Variants in GPC5 observed in about 807,000 individuals in gnomAD.
GPC5 encodes glypican 5.
In GPC5, 47 loss-of-function variants were observed where a neutral mutation model predicts 53.9. That is an observed-to-expected ratio of 0.87 (90% CI 0.69 to 1.11). GPC5 has a LOEUF of 1.11. Ranked by LOEUF, GPC5 falls within the 50% of genes most tolerant of loss-of-function variation. The probability of loss-of-function intolerance (pLI) is 0.00; values close to 1 mark genes in which losing one functional copy is unlikely to be tolerated. For missense variants in GPC5, 748 were observed against 713.1 expected, an observed-to-expected ratio of 1.05 and a Z score of -0.56; for synonymous variants, 286 against 263.3, an observed-to-expected ratio of 1.09 and a Z score of -0.84.
intron 6 of GPC5, among the ~76,000 whole-genome samples, chr13:92,093,590 G>T (rs1313163058): frequency 6.6e-6 from 1 of 152,124 alleles, no homozygotes; most frequent in Non-Finnish European, 1.5e-5. Flanking sequence ...ATAAATATCT[G>T]TTTACAAATA....
intron 6 of GPC5, among the ~76,000 whole-genome samples, chr13:91,913,541 C>CA (rs1262449448): frequency 5.9e-5 from 9 of 151,970 alleles, no homozygotes; most frequent in Admixed American, 4.6e-4. Context: ...CACACCCCCT[C>CA]AAAAAAAAGC....
chr13:92,230,895 A>T (rs767453074), intron 7 of GPC5, among the ~76,000 whole-genome samples: 1 of 152,230 alleles, frequency 6.6e-6, no homozygotes, highest in African/African-American at 2.4e-5. Flanking sequence ...TAATTACCAT[A>T]TAATTCATTA....
At chr13:92,520,344 C>T (rs1880990447) in intron 7 of GPC5, among the ~76,000 whole-genome samples, 1 of 152,106 alleles carries the variant, frequency 6.6e-6, no homozygotes, top group African/African-American at 2.4e-5. Context: ...AATTTTAGAC[C>T]AATATCCCTG....
Position 91,989,015 on chromosome 13 carries a change from A to G in GPC5, c.1401+80958A>G, listed in dbSNP as rs781763748. On this transcript the variant is annotated intron_variant, in intron 6 of 7. Transcript: ENST00000377067. ...ATCAGTGGCTTTCTCATTTCACATG[A>G]CAGTAAAAATACAAAACACAACAAA... Among the ~76,000 whole-genome samples, 5 of 150,052 alleles carry G rather than the reference A, an allele frequency of 3.3e-5. No individual in the cohort carries two copies. The South Asian group carries it at 1.1e-3, about 32-fold the overall frequency.
intron 2 of GPC5, among the ~76,000 whole-genome samples, chr13:91,615,656 C>T (rs1437076556): frequency 1.3e-5 from 2 of 152,112 alleles, no homozygotes; most frequent in East Asian, 1.9e-4. Flanking sequence ...CAGGGCTTCC[C>T]CATCTCCAAG....
At chr13:92,107,550 G>T (rs2041519977) in intron 6 of GPC5, among the ~76,000 whole-genome samples, 1 of 151,912 alleles carries the variant, frequency 6.6e-6, no homozygotes, top group Admixed American at 6.6e-5. Context: ...ACTTCCTTGA[G>T]TTTCTTTAGT....
intron 7 of GPC5, among the ~76,000 whole-genome samples, chr13:92,846,434 G>T (rs1214933216): frequency 1.3e-5 from 2 of 152,182 alleles, no homozygotes; most frequent in Admixed American, 6.5e-5. Context: ...TTGTTTGGGG[G>T]CTAAATTTGG....
At chr13:91,941,241 G>A (rs1170235796) in intron 6 of GPC5, among the ~76,000 whole-genome samples, 2 of 151,988 alleles carry the variant, frequency 1.3e-5, no homozygotes, top group Non-Finnish European at 2.9e-5. Flanking sequence ...ATGCTGTTTT[G>A]GTTACCGTAG....
intron 6 of GPC5, among the ~76,000 whole-genome samples, chr13:92,065,420 G>A (rs1475903236): frequency 2.6e-5 from 4 of 152,052 alleles, no homozygotes; most frequent in African/African-American, 9.7e-5. Context: ...AAATAGTAAA[G>A]AAATAATTGG....
intron 7 of GPC5, among the ~76,000 whole-genome samples, chr13:92,548,817 C>A (rs1882212909): frequency 6.6e-6 from 1 of 152,112 alleles, no homozygotes; most frequent in African/African-American, 2.4e-5. Flanking sequence ...AATTGGAAAC[C>A]CATTTCCCAA....
chr13:92,250,809 TA>T (rs1045261274), intron 7 of GPC5, among the ~76,000 whole-genome samples: 1 of 152,058 alleles, frequency 6.6e-6, no homozygotes, highest in Non-Finnish European at 1.5e-5. Context: ...GGATGTAATG[TA>T]AACTAATAAA....
At chr13:92,037,492 G>A (rs1016757149) in intron 6 of GPC5, among the ~76,000 whole-genome samples, 1 of 151,984 alleles carries the variant, frequency 6.6e-6, no homozygotes, top group Non-Finnish European at 1.5e-5. Context: ...ACCTTGATTT[G>A]TTTTCTTAAT....
At chr13:92,228,565 A>G (rs781267430) in intron 7 of GPC5, among the ~76,000 whole-genome samples, 3 of 152,192 alleles carry the variant, frequency 2.0e-5, no homozygotes, top group South Asian at 2.1e-4. Flanking sequence ...AGTGCTTTTC[A>G]TATGTCCACT....
chr13:92,295,149 A>G (rs117053166), intron 7 of GPC5, among the ~76,000 whole-genome samples: 184 of 152,180 alleles, frequency 1.2e-3, no homozygotes, highest in East Asian at 0.011. Context: ...CGATGTAGGC[A>G]CTTAGGGCTA....
intron 7 of GPC5, among the ~76,000 whole-genome samples, chr13:92,233,442 A>G (rs1331645835): frequency 6.6e-6 from 1 of 152,202 alleles, no homozygotes; most frequent in African/African-American, 2.4e-5. Context: ...GAAAATCTGG[A>G]TAATATTTTA....
chr13:92,834,435 A>C (rs1414212403), intron 7 of GPC5, among the ~76,000 whole-genome samples: 1 of 152,090 alleles, frequency 6.6e-6, no homozygotes, highest in African/African-American at 2.4e-5. Flanking sequence ...TTCCAAACTC[A>C]TATTAAGGGG....
At chr13:91,403,533 T>C (rs770390857) in intron 1 of GPC5, among the ~76,000 whole-genome samples, 13 of 152,196 alleles carry the variant, frequency 8.5e-5, no homozygotes, top group Non-Finnish European at 1.6e-4. Context: ...GGGGAATGTT[T>C]AGTTATTTTT....
chr13:92,572,418 A>G (rs1883057856), intron 7 of GPC5, among the ~76,000 whole-genome samples: 1 of 152,140 alleles, frequency 6.6e-6, no homozygotes, highest in Non-Finnish European at 1.5e-5. Flanking sequence ...GCTGAATACC[A>G]TCATTCTTTG....
chr13:92,657,501 C>A (rs1350514424), intron 7 of GPC5, among the ~76,000 whole-genome samples: 2 of 149,218 alleles, frequency 1.3e-5, no homozygotes, highest in Non-Finnish European at 3.0e-5. Flanking sequence ...AAAATACCAA[C>A]AACTATGATT....
Sources: allele counts gnomAD v4.1 joint callset (sites outside exome capture counted in the v4.1 genomes callset), GRCh38; gene constraint gnomAD v4.1.1; transcripts MANE v1.5; gene names NCBI Gene and HGNC (gene_info 2026-07-23, HGNC 2026-07-21).